The following ERC2 variants were observed in gnomAD, a reference collection of about 807,000 sequenced individuals.
ERC2 encodes ELKS/RAB6-interacting/CAST family member 2, also known as ERC protein 2.
Under a neutral mutation model 114.8 loss-of-function variants are expected in ERC2, and 42 were observed. That is an observed-to-expected ratio of 0.37 (90% CI 0.29 to 0.47). The LOEUF is 0.47. Among genes scored for constraint, ERC2 ranks in the 20% least tolerant of loss-of-function variants. ERC2 has a pLI of 0.99. For missense variants in ERC2, 939 were observed against 1,150.7 expected (o/e 0.82, Z 2.66); for synonymous variants, 454 against 425.5 (o/e 1.07, Z -0.82).
In ERC2 at chr3:56,321,010, A is replaced by G. The variant is rs976642683; in HGVS notation, c.658-24575T>C. On this transcript the variant is annotated intron_variant, in intron 2 of 17. Coordinates refer to ENST00000288221, the MANE Select transcript of ERC2 (RefSeq NM_015576.3). ...TTCTTCAACAATTGCCACAGGTCGC[A>G]TGGTGAACCATACGCTGTCTTGCTA... 9.8e-5 allele frequency among the ~76,000 whole-genome samples: 15 copies of G among 152,350 alleles called. 1 individual carries two copies. The East Asian group carries it at 2.7e-3, about 27-fold the overall frequency.
chr3:55,734,765 C>A lies in ERC2; in HGVS notation c.2712+6G>T. ...AAAAACACACCTGTCTTGCAGGAGG[C>A]CCCACCTGCTGCTTTAATTGATGTA... On this transcript the variant is annotated splice_donor_region_variant and intron_variant, in intron 15 of 17. Coordinates refer to ENST00000288221, the MANE Select transcript of ERC2 (RefSeq NM_015576.3). 1 of 1,606,258 alleles carries A rather than the reference C, an allele frequency of 6.2e-7. No homozygotes were observed. The highest frequency in any genetic ancestry group is 8.5e-7 in the Non-Finnish European group (1 of 1,176,304).
At chr3:56,397,998 C>T (rs535418920) in intron 2 of ERC2, among the ~76,000 whole-genome samples, 38 of 152,262 alleles carry the variant, frequency 2.5e-4, no homozygotes, top group African/African-American at 8.7e-4. Flanking sequence ...ATACTTACAT[C>T]CCATTGGCCC....
At chr3:56,064,782 A>G (rs1399362502) in intron 7 of ERC2, among the ~76,000 whole-genome samples, 3 of 152,254 alleles carry the variant, frequency 2.0e-5, no homozygotes, top group Non-Finnish European at 4.4e-5. Context: ...TGTGATCTAC[A>G]CCAGAGTTGA....
chr3:55,785,850 C>T (rs746049742), intron 14 of ERC2, among the ~76,000 whole-genome samples: 7 of 152,214 alleles, frequency 4.6e-5, no homozygotes, highest in Non-Finnish European at 1.0e-4. Flanking sequence ...ATAAGGAATT[C>T]TAATCCTTTC....
chr3:56,090,689 G>A (rs2077739183), intron 6 of ERC2, among the ~76,000 whole-genome samples: 1 of 149,068 alleles, frequency 6.7e-6, no homozygotes, highest in Admixed American at 6.7e-5. Flanking sequence ...TTAGATCTGG[G>A]TTTGTTACGT....
At chr3:55,836,907 A>G (rs2060913868) in intron 14 of ERC2, among the ~76,000 whole-genome samples, 1 of 152,200 alleles carries the variant, frequency 6.6e-6, no homozygotes, top group Non-Finnish European at 1.5e-5. Context: ...CAAATTTACA[A>G]GAAAAAAACT....
chr3:55,680,449 G>C (rs1014355441), intron 17 of ERC2, among the ~76,000 whole-genome samples: 1 of 152,182 alleles, frequency 6.6e-6, no homozygotes, highest in African/African-American at 2.4e-5. Context: ...TCCATGGAAA[G>C]CACCTTCATT....
intron 2 of ERC2, among the ~76,000 whole-genome samples, chr3:56,308,887 CT>C (rs2056382649): frequency 6.6e-6 from 1 of 152,116 alleles, no homozygotes; most frequent in African/African-American, 2.4e-5. Context: ...ACAACTTGGC[CT>C]GCTTTACTTC....
At position 55,583,519 on chromosome 3, in the gene ERC2, CCCTCCCTTCCTTCCTTCCTTCCTTT is replaced by C. The variant is rs1559693214; in HGVS notation, c.*40-72268_*40-72244del. On this transcript the variant is annotated intron_variant, in intron 17 of 17. Coordinates refer to ENST00000288221, the MANE Select transcript of ERC2 (RefSeq NM_015576.3). ...TCCTTCCCTCCCTCCCTCCCTCCCTCCCTCCCTTCCTTCCTTCCTTCCTTTCTTCCTTCCTTCCTTCCTTCCTTCC... is the reference window on the plus strand; with the variant it reads ...TCCTTCCCTCCCTCCCTCCCTCCCTCCTTCCTTCCTTCCTTCCTTCCTTCC... 8.3e-3 allele frequency among the ~76,000 whole-genome samples: 334 copies of C among 40,004 alleles called. 19 individuals are homozygous for C. The highest frequency in any genetic ancestry group is 0.032 in the Admixed American group (131 of 4,146). 26.2% of individuals were successfully genotyped at this position (40,004 alleles called of 152,430 possible). A position where few individuals can be genotyped will look rare whatever the true frequency, so the allele number is the denominator to read the frequency against.
chr3:55,765,335 T>C lies in ERC2; in HGVS notation c.2565-30417A>G, dbSNP rs575646530. Among the ~76,000 whole-genome samples, 115 of 152,370 alleles carry C rather than the reference T, an allele frequency of 7.5e-4. No homozygotes were observed. In the South Asian group the frequency reaches 0.013, roughly 17 times the overall value. ...AGAATGATCTGAAGTCTACTTTTCT[T>C]GGCAGATTAAATTGCCCATCCATCT... is the stretch of plus-strand genomic sequence containing the variant. On this transcript the variant is annotated intron_variant, in intron 14 of 17. Transcript: ENST00000288221.
intron 13 of ERC2, among the ~76,000 whole-genome samples, chr3:55,944,130 AC>A (rs1286000102): frequency 5.9e-5 from 9 of 152,012 alleles, no homozygotes; most frequent in African/African-American, 2.2e-4. Context: ...TTTTTCCAAA[AC>A]CCCCACCCCA....
At chr3:56,030,958 A>G (rs528332451) in intron 7 of ERC2, among the ~76,000 whole-genome samples, 95 of 152,294 alleles carry the variant, frequency 6.2e-4, no homozygotes, top group South Asian at 1.2e-3. Context: ...CAAAGATCCT[A>G]GCATCAGGCC....
intron 17 of ERC2, among the ~76,000 whole-genome samples, chr3:55,646,113 G>T (rs1324922856): frequency 6.6e-6 from 1 of 152,100 alleles, no homozygotes; most frequent in Non-Finnish European, 1.5e-5. Flanking sequence ...TTACATAGGG[G>T]GTTGCCTATT....
intron 13 of ERC2, among the ~76,000 whole-genome samples, chr3:55,903,053 G>A (rs2064230966): frequency 6.6e-6 from 1 of 152,144 alleles, no homozygotes; most frequent in Admixed American, 6.5e-5. Context: ...ATCTTAACAT[G>A]TGACACTTTC....
At position 56,032,897 on chromosome 3, in the gene ERC2, G is replaced by GAA. The variant is rs1409585196; in HGVS notation, c.1642-13867_1642-13866insTT. 7.5e-3 allele frequency among the ~76,000 whole-genome samples: 494 copies of GAA among 66,240 alleles called. 7 individuals carry two copies. Among genetic ancestry groups the GAA allele is most frequent in the East Asian group, 0.019 (43 of 2,318 alleles). 43.5% of individuals were successfully genotyped at this position (66,240 alleles called of 152,430 possible). On this transcript the variant is annotated intron_variant, in intron 7 of 17. Transcript: ENST00000288221. The stretch of plus-strand genomic sequence containing the variant: ...AAAGAAAGAAAGAAAGAGAGAGAGA[G>GAA]AGACAGAAAGAAAGAAAGAAAGAAA...
chr3:56,139,251 C>T (rs1239890642), intron 6 of ERC2, among the ~76,000 whole-genome samples: 2 of 152,166 alleles, frequency 1.3e-5, no homozygotes, highest in Non-Finnish European at 2.9e-5. Context: ...CTTTATTTAT[C>T]CCACTTAGTA....
At chr3:56,087,035 A>G (rs774148724) in intron 6 of ERC2, among the ~76,000 whole-genome samples, 19 of 152,304 alleles carry the variant, frequency 1.2e-4, no homozygotes, top group Admixed American at 2.6e-4. Context: ...TTAGAACTGT[A>G]TGATATAGTC....
chr3:56,203,526 T>C (rs1394228851), intron 3 of ERC2, among the ~76,000 whole-genome samples: 2 of 152,222 alleles, frequency 1.3e-5, no homozygotes, highest in Admixed American at 1.3e-4. Context: ...AAACGTTTTC[T>C]ACATGACTTA....
chr3:56,014,572 G>A (rs1379665769), intron 8 of ERC2, among the ~76,000 whole-genome samples: 6 of 152,070 alleles, frequency 3.9e-5, no homozygotes. Flanking sequence ...ACAGACCTCA[G>A]ATTCCTTCCC....
Sources: allele counts gnomAD v4.1 joint callset (sites outside exome capture counted in the v4.1 genomes callset), GRCh38; gene constraint gnomAD v4.1.1; transcripts MANE v1.5; gene names NCBI Gene and HGNC (gene_info 2026-07-23, HGNC 2026-07-21).